The following RGS6 variants were observed in gnomAD, a reference collection of about 807,000 sequenced individuals.
RGS6 encodes the protein regulator of G protein signaling 6.
In RGS6, 30 loss-of-function variants were observed where a neutral mutation model predicts 78.5. The observed-to-expected ratio is 0.38, with a 90% confidence interval of 0.29 to 0.52. The LOEUF is 0.52. Ranked by LOEUF, RGS6 falls within the 20% of genes least tolerant of loss-of-function variation. The probability of loss-of-function intolerance (pLI) is 0.85; values close to 1 mark genes in which losing one functional copy is unlikely to be tolerated. For missense variants in RGS6, 495 were observed against 609.7 expected (o/e 0.81, Z 1.98); for synonymous variants, 206 against 206.0 (o/e 1.00, Z 0.00).
At position 71,964,244 on chromosome 14, in the gene RGS6, C is replaced by G. The variant is rs145508991; in HGVS notation, c.-20-528C>G. Among the ~76,000 whole-genome samples, 574 of 152,256 alleles carry G rather than the reference C, an allele frequency of 3.8e-3. 1 individual carries two copies. The highest frequency in any genetic ancestry group is 0.013 in the African/African-American group (545 of 41,538). On this transcript the variant is annotated intron_variant, in intron 1 of 17. Coordinates refer to ENST00000553525, the MANE Select transcript of RGS6 (RefSeq NM_001204424.2). ...TGCCGTGGCTGGGTGCGGTGGCGCA[C>G]GCCTGTAATGCCAGCAGTTTGGGAG...
the RGS6 span, among the ~76,000 whole-genome samples, chr14:72,601,634 C>T: frequency 1.1e-4 from 16 of 152,344 alleles, no homozygotes; most frequent in African/African-American, 3.8e-4. Context: ...TGAGGTGATG[C>T]ATTTGCTAAT....
chr14:72,025,262 T>C (rs993849558), intron 2 of RGS6, among the ~76,000 whole-genome samples: 2 of 151,824 alleles, frequency 1.3e-5, no homozygotes, highest in African/African-American at 4.8e-5. Context: ...CAGGGCCAAA[T>C]CAGCATCCAA....
intron 2 of RGS6, among the ~76,000 whole-genome samples, chr14:72,262,620 G>A (rs2058361500): frequency 6.6e-6 from 1 of 152,210 alleles, no homozygotes; most frequent in Non-Finnish European, 1.5e-5. Context: ...CAGAGAGGAA[G>A]AAAGAGATTC....
At chr14:72,448,834 T>G (rs1168428845) in intron 3 of RGS6, among the ~76,000 whole-genome samples, 1 of 152,232 alleles carries the variant, frequency 6.6e-6, no homozygotes, top group Non-Finnish European at 1.5e-5. Flanking sequence ...AAATAATATT[T>G]GGCATGAAAT....
chr14:71,882,521 A>G, the RGS6 span, among the ~76,000 whole-genome samples: 1 of 152,216 alleles, frequency 6.6e-6, no homozygotes, highest in Admixed American at 6.5e-5. Flanking sequence ...GGCAAAAGAC[A>G]TTACTGGATG....
chr14:72,415,984 C>G (rs931974232), intron 3 of RGS6, among the ~76,000 whole-genome samples: 1 of 151,984 alleles, frequency 6.6e-6, no homozygotes, highest in Non-Finnish European at 1.5e-5. Context: ...CCCAACTCTA[C>G]TAAAAATACA....
At chr14:72,245,571 G>T (rs1423812695) in intron 2 of RGS6, among the ~76,000 whole-genome samples, 1 of 152,248 alleles carries the variant, frequency 6.6e-6, no homozygotes, top group Non-Finnish European at 1.5e-5. Flanking sequence ...TTTCCTCCCT[G>T]GGCGGGCCAG....
intron 3 of RGS6, among the ~76,000 whole-genome samples, chr14:72,427,555 G>C (rs550161795): frequency 2.4e-4 from 37 of 152,294 alleles, no homozygotes; most frequent in African/African-American, 8.9e-4. Flanking sequence ...ATTCTGTTGG[G>C]GGTAGTTTGT....
intron 3 of RGS6, among the ~76,000 whole-genome samples, chr14:72,413,055 G>A (rs996568610): frequency 8.5e-5 from 13 of 152,218 alleles, no homozygotes; most frequent in African/African-American, 2.9e-4. Flanking sequence ...TTGATTTGGG[G>A]TGGAGAGTTC....
intron 3 of RGS6, among the ~76,000 whole-genome samples, chr14:72,416,706 T>C (rs1436248701): frequency 6.6e-6 from 1 of 152,190 alleles, no homozygotes; most frequent in African/African-American, 2.4e-5. Context: ...AATGATCCTC[T>C]GAAGTCAAAC....
chr14:71,984,484 G>GAAAGAAAAAA (rs2094605532), intron 2 of RGS6, among the ~76,000 whole-genome samples: 1 of 117,434 alleles, frequency 8.5e-6, no homozygotes, highest in Non-Finnish European at 1.6e-5. Flanking sequence ...GTCTCAAAAA[G>GAAAGAAAAAA]AAAAAAAAAA....
chr14:72,044,069 C>G (rs1257160486), intron 2 of RGS6, among the ~76,000 whole-genome samples: 1 of 152,190 alleles, frequency 6.6e-6, no homozygotes, highest in Admixed American at 6.5e-5. Context: ...CTGATTCTTT[C>G]TTCAGCCATG....
chr14:72,540,014 CCCTA>C (rs1250407296), intron 16 of RGS6, 23 bp from the exon 17 acceptor site: 7 of 1,534,102 alleles, frequency 4.6e-6, no homozygotes, highest in Non-Finnish European at 6.1e-6. Context: ...GTATTTTTCT[CCCTA>C]CCCTTTTTTT....
intron 2 of RGS6, among the ~76,000 whole-genome samples, chr14:72,238,222 C>T (rs1170421468): frequency 1.3e-5 from 2 of 152,138 alleles, no homozygotes; most frequent in Admixed American, 6.5e-5. Context: ...TTTTCACGTT[C>T]AGCTGCTTGT....
At chr14:72,147,307 T>C (rs578168717) in intron 2 of RGS6, among the ~76,000 whole-genome samples, 3 of 152,338 alleles carry the variant, frequency 2.0e-5, no homozygotes, top group African/African-American at 7.2e-5. Flanking sequence ...TCGATACCAA[T>C]TTTTTGTCTT....
At chr14:72,400,030 A>G (rs1225556272) in intron 3 of RGS6, among the ~76,000 whole-genome samples, 1 of 152,182 alleles carries the variant, frequency 6.6e-6, no homozygotes, top group African/African-American at 2.4e-5. Context: ...TTCAGGCAAT[A>G]CAGAGAATGC....
At chr14:72,355,261 T>C (rs1233133504) in intron 3 of RGS6, among the ~76,000 whole-genome samples, 1 of 151,918 alleles carries the variant, frequency 6.6e-6, no homozygotes, top group East Asian at 1.9e-4. Context: ...TGGCATGATC[T>C]CAGCTCACTG....
intron 12 of RGS6, among the ~76,000 whole-genome samples, chr14:72,489,778 C>T (rs751985743): frequency 5.3e-5 from 8 of 152,118 alleles, no homozygotes; most frequent in Non-Finnish European, 1.0e-4. Flanking sequence ...TCCCCTAGAG[C>T]CTTCGGAGGG....
At chr14:71,918,184 CAAAAAAAAAAAAAAAAAAAAAAA>C in the RGS6 span, among the ~76,000 whole-genome samples, 10 of 33,724 alleles carry the variant, frequency 3.0e-4, no homozygotes, top group South Asian at 0.012. Context: ...ACTCCAGTCT[CAAAAAAAAAAAAAAAAAAAAAAA>C]AAAAAAAAAA....
Sources: allele counts gnomAD v4.1 joint callset (sites outside exome capture counted in the v4.1 genomes callset), GRCh38; gene constraint gnomAD v4.1.1; transcripts MANE v1.5; gene names NCBI Gene and HGNC (gene_info 2026-07-23, HGNC 2026-07-21).